Variants in CLSTN2 observed in about 807,000 individuals in gnomAD.
The protein encoded by CLSTN2 is calsyntenin-2.
A neutral mutation model predicts 101.2 loss-of-function variants in CLSTN2; 48 were observed. The observed-to-expected ratio is 0.47, with a 90% CI of 0.38 to 0.60. The LOEUF (loss-of-function observed/expected upper bound fraction) is 0.60, where lower values mean the gene tolerates loss of function less well. Among genes scored for constraint, CLSTN2 ranks in the 20% least tolerant of loss-of-function variants. The pLI is 0.00. For missense variants in CLSTN2, 1,160 were observed against 1,238.2 expected (o/e 0.94, Z 0.95); for synonymous variants, 481 against 463.6 (o/e 1.04, Z -0.48).
chr3:140,014,784 A>T (rs2007164837), intron 1 of CLSTN2, among the ~76,000 whole-genome samples: 1 of 152,114 alleles, frequency 6.6e-6, no homozygotes, highest in African/African-American at 2.4e-5. Flanking sequence ...GTGCAGGAGG[A>T]TGGGAGTGAT....
At chr3:140,114,730 C>G (rs2009211886) in intron 1 of CLSTN2, among the ~76,000 whole-genome samples, 1 of 151,836 alleles carries the variant, frequency 6.6e-6, no homozygotes, top group Non-Finnish European at 1.5e-5. Context: ...TTTCTGGTGT[C>G]TGACACACAG....
chr3:140,146,550 A>G (rs1281110614), intron 1 of CLSTN2, among the ~76,000 whole-genome samples: 1 of 152,246 alleles, frequency 6.6e-6, no homozygotes, highest in Non-Finnish European at 1.5e-5. Context: ...CAGGTAGGTA[A>G]TTCAGAGGAA....
In CLSTN2 at chr3:140,534,059, G is replaced by A. The variant is rs539283855; in HGVS notation, c.1507+1573G>A. 9.9e-5 allele frequency among the ~76,000 whole-genome samples: 15 copies of A among 152,232 alleles called. No individual in the cohort carries two copies. The East Asian group carries it at 1.7e-3, about 18-fold the overall frequency. ...GGCTCCCCAGAATGCCAGGTAGACC[G>A]TGTCACATGGCAAGAGTTCATGAAA... On this transcript the variant is annotated intron_variant, in intron 9 of 16. Transcript: ENST00000458420.
At chr3:140,216,503 C>T (rs1285435034) in intron 2 of CLSTN2, among the ~76,000 whole-genome samples, 1 of 152,138 alleles carries the variant, frequency 6.6e-6, no homozygotes. Context: ...TGCTTCTCCT[C>T]CCCTTTAAGC....
chr3:140,053,529 T>C (rs545597340), intron 1 of CLSTN2, among the ~76,000 whole-genome samples: 1 of 152,232 alleles, frequency 6.6e-6, no homozygotes, highest in East Asian at 1.9e-4. Context: ...TGGTGAGTGT[T>C]AAGAGAAGGG....
At position 140,567,668 on chromosome 3, in the gene CLSTN2, T is replaced by A. The variant is rs934868889; in HGVS notation, c.*1415T>A. 2 of 152,248 alleles carry A rather than the reference T, an allele frequency of 1.3e-5. No homozygotes were observed. Among genetic ancestry groups the A allele is most frequent in the African/African-American group, 4.8e-5 (2 of 41,464 alleles). The allele number at this position is 152,248 out of a possible 1,614,324, so 9.4% of individuals were successfully genotyped here. ...TCTGAGAACATGTTTGTTTCGAATG[T>A]CTGATTCCTCTTTGTCATCAATGTG... On this transcript the variant is annotated 3_prime_UTR_variant, in exon 17 of 17. Transcript: ENST00000458420.
chr3:140,418,515 TTC>T (rs869116516), intron 4 of CLSTN2, among the ~76,000 whole-genome samples: 20,791 of 87,028 alleles, frequency 0.24, 2,190 homozygotes, highest in East Asian at 0.42. Context: ...CTTTCTTTCT[TTC>T]TTTTTTTTTT....
intron 1 of CLSTN2, among the ~76,000 whole-genome samples, chr3:140,121,078 A>T (rs78220746): frequency 1.1e-3 from 171 of 152,318 alleles, no homozygotes; most frequent in African/African-American, 3.8e-3. Flanking sequence ...GAATGTGTGG[A>T]CAGGGGTGAG....
chr3:140,118,798 A>G (rs901436817), intron 1 of CLSTN2, among the ~76,000 whole-genome samples: 6 of 152,148 alleles, frequency 3.9e-5, no homozygotes, highest in African/African-American at 1.4e-4. Context: ...GTTCTCTACT[A>G]AGGCAGAAAT....
chr3:139,984,897 A>G (rs1935996006), intron 1 of CLSTN2, among the ~76,000 whole-genome samples: 1 of 152,196 alleles, frequency 6.6e-6, no homozygotes, highest in South Asian at 2.1e-4. Flanking sequence ...CCCCACTGCC[A>G]ATCCTCAGCA....
chr3:140,051,837 G>A (rs924692404), intron 1 of CLSTN2, among the ~76,000 whole-genome samples: 6 of 152,208 alleles, frequency 3.9e-5, no homozygotes, highest in Admixed American at 1.3e-4. Context: ...TTAGAGCAGG[G>A]ACATGGAAAC....
At chr3:140,020,038 GTGA>G (rs764982334) in intron 1 of CLSTN2, among the ~76,000 whole-genome samples, 5 of 152,194 alleles carry the variant, frequency 3.3e-5, no homozygotes, top group African/African-American at 4.8e-5. Context: ...AGCAACTAGT[GTGA>G]TGGTGGTGAG....
intron 2 of CLSTN2, among the ~76,000 whole-genome samples, chr3:140,317,087 G>A (rs941565867): frequency 6.6e-6 from 1 of 152,186 alleles, no homozygotes; most frequent in Non-Finnish European, 1.5e-5. Context: ...GAGAGTTTCA[G>A]TGATTTCCCA....
At chr3:140,283,300 T>A (rs543168274) in intron 2 of CLSTN2, among the ~76,000 whole-genome samples, 1 of 152,324 alleles carries the variant, frequency 6.6e-6, no homozygotes, top group Non-Finnish European at 1.5e-5. Context: ...TGGTATTTAT[T>A]ATTTCCATAT....
chr3:140,481,934 CTTTA>C (rs1934125656), intron 8 of CLSTN2, among the ~76,000 whole-genome samples: 1 of 152,156 alleles, frequency 6.6e-6, no homozygotes, highest in Admixed American at 6.5e-5. Context: ...ATTGAATACC[CTTTA>C]TTTCTTTCTC....
At chr3:140,139,044 A>C (rs1219655605) in intron 1 of CLSTN2, among the ~76,000 whole-genome samples, 4 of 152,226 alleles carry the variant, frequency 2.6e-5, no homozygotes, top group African/African-American at 9.6e-5. Context: ...TTTTTATAAA[A>C]ATGTGAGCAA....
intron 1 of CLSTN2, among the ~76,000 whole-genome samples, chr3:140,056,390 C>T (rs527920496): frequency 4.6e-5 from 7 of 152,172 alleles, no homozygotes; most frequent in Admixed American, 1.3e-4. Flanking sequence ...CCTCTGTACC[C>T]GCAGGGCTCC....
chr3:140,479,950 TC>T (rs1022781989), intron 8 of CLSTN2, among the ~76,000 whole-genome samples: 204 of 149,930 alleles, frequency 1.4e-3, no homozygotes, highest in African/African-American at 4.6e-3. Context: ...AAAGATAAAC[TC>T]TTTTTTTTTT....
intron 1 of CLSTN2, among the ~76,000 whole-genome samples, chr3:140,071,342 TA>T (rs1263912348): frequency 1.3e-5 from 2 of 151,972 alleles, no homozygotes; most frequent in East Asian, 3.9e-4. Flanking sequence ...TGATGTATTT[TA>T]TTCTAAAAAA....
Sources: gnomAD v4.1 joint callset for allele counts (sites outside exome capture counted in the v4.1 genomes callset) on GRCh38, gnomAD v4.1.1 for gene constraint, MANE v1.5 for transcripts, NCBI Gene and HGNC (gene_info 2026-07-23, HGNC 2026-07-21) for gene names.